The following DSPP variants were observed in gnomAD, a reference collection of about 807,000 sequenced individuals.
DSPP encodes the protein dentin sialophosphoprotein.
A neutral mutation model predicts 29.1 loss-of-function variants in DSPP; 28 were observed. That is an observed-to-expected ratio of 0.96 (90% confidence interval 0.71 to 1.32). The LOEUF is 1.32. Ranked by LOEUF, DSPP falls within the 40% of genes most tolerant of loss-of-function variation. The probability of loss-of-function intolerance (pLI) is 0.00; values close to 1 mark genes in which losing one functional copy is unlikely to be tolerated. For synonymous variants in DSPP, 481 were observed against 503.4 expected (o/e 0.96, Z 0.60); for missense variants, 1,281 against 1,629.9 (o/e 0.79, Z 3.69).
chr4:87,611,227 A>G (rs1028791774), intron 2 of DSPP, among the ~76,000 whole-genome samples: 8 of 152,140 alleles, frequency 5.3e-5, no homozygotes, highest in African/African-American at 1.7e-4. Flanking sequence ...ATAGAAACTC[A>G]TATCTCGTCT....
At position 87,611,066 on chromosome 4, in the gene DSPP, T is replaced by C. The variant is rs574861519; in HGVS notation, c.51+107T>C. 102 of 1,006,594 alleles carry C rather than the reference T, an allele frequency of 1.0e-4. No homozygotes were observed. In the African/African-American group the frequency reaches 1.4e-3, roughly 13 times the overall value. 62.4% of individuals were successfully genotyped at this position (1,006,594 alleles called of 1,614,324 possible). On this transcript the variant is annotated intron_variant, in intron 2 of 4. Transcript: ENST00000651931. ...GTGTGTGTGTGTGTGTGTGTGTGCA[T>C]GTACATGTGTGTATATATGTGTGTG...
chr4:87,612,667 A>G lies in DSPP; in HGVS notation c.481A>G (p.Asn161Asp). 1 of 1,614,154 alleles carries G rather than the reference A, an allele frequency of 6.2e-7. No homozygotes were observed. The highest frequency in any genetic ancestry group is 8.5e-7 in the Non-Finnish European group (1 of 1,180,002). The change falls in exon 4 of 5, where the codon AAT becomes GAT. Residue 161 changes from asparagine (N) to aspartate (D), a missense_variant. This residue lies in a region of DSPP where 631 missense variants were observed against 643.2 expected (regional missense o/e 0.98). Transcript: ENST00000651931. Reference sequence around the variant, plus strand: ...CAACACTAATGGAAATACTGATAAGAATACCCAAAATGGGGATGTTGGCGA... The same window carrying G: ...CAACACTAATGGAAATACTGATAAGGATACCCAAAATGGGGATGTTGGCGA... The part of the protein sequence containing the change: ...RSNTNGNTDK[N>D]TQNGDVGDAG...
rs1727838387 is a variant in DSPP at position 87,614,986 on chromosome 4, A to G, written c.2324A>G (p.Asp775Gly). The change falls in exon 5 of 5, where the codon GAT (aspartate) becomes GGT (glycine). Residue 775 changes from aspartate (D) to glycine (G), a missense_variant. Physicochemically the swap from Asp to Gly is moderately conservative, Grantham distance 94. This residue lies in a region of DSPP where 444 missense variants were observed against 611.4 expected (regional missense o/e 0.73). Coordinates refer to ENST00000651931, the MANE Select transcript of DSPP (RefSeq NM_014208.3). Reference protein sequence around the residue: ...SDSSDSSDSSDSSDSSNSSDS... With the variant: ...SDSSDSSDSSGSSDSSNSSDS... ...AGCAGTGATAGCAGTGACAGCAGTG[A>G]TAGTAGTGACAGCAGCAACAGCAGT... The G allele has an allele frequency of 1.9e-6, 3 of 1,551,022 alleles. No homozygotes were observed. Among genetic ancestry groups the G allele is most frequent in the Non-Finnish European group, 2.6e-6 (3 of 1,146,890 alleles).
Position 87,615,545 on chromosome 4 carries a change from C to G in DSPP, c.2883C>G (p.Asp961Glu), listed in dbSNP as rs794727723. The G allele has an allele frequency of 1.3e-6, 2 of 1,549,428 alleles. No homozygotes were observed. Among genetic ancestry groups the G allele is most frequent in the African/African-American group, 1.4e-5 (1 of 72,802 alleles). Residue 961 changes from aspartate (D) to glutamate (E), a missense_variant, in exon 5 of 5, where the codon GAC becomes GAG. By Grantham distance (45) the Asp-to-Glu change is conservative (BLOSUM62 2). Transcript: ENST00000651931. ...SNSSDSSNSS[D>E]SSNSSDSSDS... ...GTAGTGACAGCAGCAATAGCAGTGA[C>G]AGCAGCAACAGCAGTGACAGCAGTG... is the stretch of plus-strand genomic sequence containing the variant.
chr4:87,612,521 A>G lies in DSPP; in HGVS notation c.335A>G (p.Asp112Gly). 1 of 1,614,070 alleles carries G rather than the reference A, an allele frequency of 6.2e-7. No homozygotes were observed. Among genetic ancestry groups the G allele is most frequent in the South Asian group, 1.1e-5 (1 of 91,070 alleles). ...GGGAATATTGAGGGCTGGAATGGGG[A>G]CACAGGAAAAGCAGAAACATATGGT... ...EEGNIEGWNG[D>G]TGKAETYGHD... Residue 112 changes from aspartate to glycine, a missense_variant, in exon 4 of 5, where the codon GAC (aspartate) becomes GGC (glycine). Transcript: ENST00000651931.
At chr4:87,611,147 G>T (rs946692302) in intron 2 of DSPP, among the ~76,000 whole-genome samples, 188 bp downstream of exon 2, 2 of 150,748 alleles carry the variant, frequency 1.3e-5, no homozygotes, top group African/African-American at 4.9e-5. Flanking sequence ...ATTTAGATTT[G>T]CACTAAGGGC....
At chr4:87,610,999 T>C (rs1727722814) in intron 2 of DSPP, 40 bp downstream of exon 2, 2 of 1,583,604 alleles carry the variant, frequency 1.3e-6, no homozygotes, top group Non-Finnish European at 1.7e-6. Flanking sequence ...CACTTTGTTA[T>C]CTTTTTTAAC....
rs2109995373 is a variant in DSPP, at chr4:87,612,166, CA to C, written c.115del (p.Arg39AspfsTer10). The C allele has an allele frequency of 1.2e-6, 2 of 1,614,038 alleles. No individual in the cohort carries two copies. Among genetic ancestry groups the C allele is most frequent in the Non-Finnish European group, 1.7e-6 (2 of 1,179,922 alleles). ...AAATCCATGAATTTGCATCTCCTAGCAAGATCAAATGTGTCAGTACAGGTAT... is the reference window on the plus strand; with the variant it reads ...AAATCCATGAATTTGCATCTCCTAGCAGATCAAATGTGTCAGTACAGGTAT... ...VEKSMNLHLLARSNVSVQDEL... is the reference protein window; with the variant it reads ...VEKSMNLHLLXRSNVSVQDEL... On this transcript the variant is annotated frameshift_variant, in exon 3 of 5. Transcript: ENST00000651931. LOFTEE classifies it high-confidence loss of function.
Position 87,616,495 on chromosome 4 carries a change from G to A in DSPP, c.3833G>A (p.Gly1278Asp), listed in dbSNP as rs1727959916. 1 of 1,551,722 alleles carries A rather than the reference G, an allele frequency of 6.4e-7. No individual in the cohort carries two copies. Among genetic ancestry groups the A allele is most frequent in the Non-Finnish European group, 8.7e-7 (1 of 1,146,988 alleles). Reference protein sequence around the residue: ...ESDSQSKSGNGNNNGSDSDSD... With the variant: ...ESDSQSKSGNDNNNGSDSDSD... ...GACAGCCAGAGCAAGTCTGGTAACG[G>A]TAACAACAATGGAAGTGACAGTGAC... The change falls in exon 5 of 5, where the codon GGT (glycine) becomes GAT (aspartate). Residue 1278 changes from glycine (G) to aspartate (D), a missense_variant. Gly to Asp is a moderately conservative substitution (Grantham distance 94, BLOSUM62 -1). This residue lies in a region of DSPP where 134 missense variants were observed against 185.0 expected (regional missense o/e 0.72). Transcript: ENST00000651931.
In DSPP at chr4:87,613,905, A is replaced by G. The variant is rs1455487940; in HGVS notation, c.1243A>G (p.Lys415Glu). The stretch of plus-strand genomic sequence containing the variant: ...AATGATCTTGGGCAAAGGCAATGTC[A>G]AGACACAAGGAGAGGTTGTCAACAT... Reference protein sequence around the residue: ...HGMILGKGNVKTQGEVVNIEG... With the variant: ...HGMILGKGNVETQGEVVNIEG... The change falls in exon 5 of 5, where the codon AAG becomes GAG. Residue 415 changes from lysine (K) to glutamate (E), a missense_variant. Coordinates refer to ENST00000651931, the MANE Select transcript of DSPP (RefSeq NM_014208.3). 6.2e-7 allele frequency: 1 copy of G among 1,614,232 alleles called. No individual in the cohort carries two copies. The highest frequency in any genetic ancestry group is 2.2e-5 in the East Asian group (1 of 44,882).
Position 87,612,426 on chromosome 4 carries a change from G to T in DSPP, c.240G>T (p.Gly80=), listed in dbSNP as rs772101016. Residue 80 remains glycine, a synonymous_variant, in exon 4 of 5, where the codon GGG becomes GGT. Transcript: ENST00000651931. Reference sequence around the variant, plus strand: ...CCCAAGATGGTCACAAGGGAGAAGGGAATGGCTCTAAGTGGGCAGAAGTAG... The same window carrying T: ...CCCAAGATGGTCACAAGGGAGAAGGTAATGGCTCTAAGTGGGCAGAAGTAG... ...ENTQDGHKGE[G]NGSKWAEVGG... 1.2e-6 allele frequency: 2 copies of T among 1,614,018 alleles called. No individual in the cohort carries two copies. The highest frequency in any genetic ancestry group is 1.7e-6 in the Non-Finnish European group (2 of 1,179,958).
Position 87,615,556 on chromosome 4 carries a change from G to T in DSPP, c.2894G>T (p.Ser965Ile). 6.5e-7 allele frequency: 1 copy of T among 1,550,130 alleles called. No individual in the cohort carries two copies. The highest frequency in any genetic ancestry group is 8.7e-7 in the Non-Finnish European group (1 of 1,146,024). ...DSSNSSDSSN[S>I]SDSSDSNSSD... is the part of the protein sequence containing the mutation. ...AGCAATAGCAGTGACAGCAGCAACA[G>T]CAGTGACAGCAGTGATAGCAATAGC... The change falls in exon 5 of 5, where the codon AGC (serine) becomes ATC (isoleucine). Residue 965 changes from serine to isoleucine, a missense_variant. Physicochemically the swap from Ser to Ile is moderately radical, Grantham distance 142. Transcript: ENST00000651931.
In DSPP at chr4:87,614,945, C is replaced by T. The variant is rs1221160339; in HGVS notation, c.2283C>T (p.Ser761=). The T allele has an allele frequency of 6.5e-7, 1 of 1,538,460 alleles. No individual in the cohort carries two copies. Among genetic ancestry groups the T allele is most frequent in the Non-Finnish European group, 8.7e-7 (1 of 1,146,682 alleles). Residue 761 remains serine (S), a synonymous_variant, in exon 5 of 5, where the codon AGC becomes AGT. Coordinates refer to ENST00000651931, the MANE Select transcript of DSPP (RefSeq NM_014208.3). Reference sequence around the variant, plus strand: ...GTGACAGTAGCGATAGCAGTGACAGCAGCAACAGCAGTGACAGCAGTGATA... The same window carrying T: ...GTGACAGTAGCGATAGCAGTGACAGTAGCAACAGCAGTGACAGCAGTGATA... ...NSSDSSDSSD[S]SNSSDSSDSS... is the part of the protein sequence containing the mutation.
intron 1 of DSPP, 39 bp from the exon 2 acceptor site, chr4:87,610,842 A>G: frequency 7.3e-7 from 1 of 1,377,254 alleles, no homozygotes; most frequent in Non-Finnish European, 1.0e-6. Context: ...TTTTCCCTTT[A>G]CTTTATAAGT....
In DSPP at chr4:87,616,179, G is replaced by A. The variant is rs748970376; in HGVS notation, c.3517G>A (p.Asp1173Asn). Reference protein sequence around the residue: ...SDSSDSSDSSDSSDSSNSSDS... With the variant: ...SDSSDSSDSSNSSDSSNSSDS... ...TAGCAGCGACAGCAGCGACAGCAGCGATAGCAGTGACAGCAGCAATAGCAG... is the reference window on the plus strand; with the variant it reads ...TAGCAGCGACAGCAGCGACAGCAGCAATAGCAGTGACAGCAGCAATAGCAG... The change falls in exon 5 of 5, where the codon GAT becomes AAT. Residue 1173 changes from aspartate (D) to asparagine (N), a missense_variant. Around this residue, in one of 4 missense-constraint regions of DSPP, gnomAD observed 134 missense variants for 185.0 expected, o/e 0.72. Transcript: ENST00000651931. The A allele has an allele frequency of 1.9e-5, 30 of 1,545,438 alleles. No individual in the cohort carries two copies. The highest frequency in any genetic ancestry group is 1.4e-4 in the South Asian group (12 of 83,326).
chr4:87,611,030 A>AGTCTGT (rs142413098), intron 2 of DSPP, 71 bp downstream of exon 2: 12 of 821,798 alleles, frequency 1.5e-5, no homozygotes, highest in African/African-American at 5.3e-5. Context: ...TACAAAATGT[A>AGTCTGT]GTGTGTGTGT....
chr4:87,613,332 T>G, intron 4 of DSPP, 24 bp downstream of exon 4: 1 of 1,612,262 alleles, frequency 6.2e-7, no homozygotes, highest in Non-Finnish European at 8.5e-7. Context: ...GCTGATTTCT[T>G]TCAATGGCAG....
chr4:87,612,609 C>T lies in DSPP; in HGVS notation c.423C>T (p.Ser141=), dbSNP rs774357524. Residue 141 remains serine (S), a synonymous_variant, in exon 4 of 5, where the codon AGC becomes AGT. Coordinates refer to ENST00000651931, the MANE Select transcript of DSPP (RefSeq NM_014208.3). ...ITANGIQGQV[S]IIDNAGATNR... is the part of the protein sequence containing the mutation. ...CAAATGGCATCCAGGGACAAGTAAGCATCATTGACAATGCTGGAGCCACAA... is the reference window on the plus strand; with the variant it reads ...CAAATGGCATCCAGGGACAAGTAAGTATCATTGACAATGCTGGAGCCACAA... 7.4e-6 allele frequency: 12 copies of T among 1,613,896 alleles called. No homozygotes were observed. The highest frequency in any genetic ancestry group is 1.0e-5 in the Non-Finnish European group (12 of 1,180,006).
intron 2 of DSPP, 55 bp from the exon 3 acceptor site, chr4:87,612,050 C>A: frequency 6.6e-7 from 1 of 1,515,146 alleles, no homozygotes; most frequent in Non-Finnish European, 9.1e-7. Flanking sequence ...TGCACGCTCA[C>A]ACACATATTC....
Sources: gnomAD v4.1 joint callset for allele counts (sites outside exome capture counted in the v4.1 genomes callset) on GRCh38, gnomAD v4.1.1 for gene constraint, gnomAD v4.1.1 regional missense constraint, MANE v1.5 for transcripts, NCBI Gene and HGNC (gene_info 2026-07-23, HGNC 2026-07-21) for gene names.